Variants in CREBL2 observed in about 807,000 individuals in gnomAD.
CREBL2 encodes cAMP-responsive element-binding protein-like 2.
A neutral mutation model predicts 19.5 loss-of-function variants in CREBL2; 4 were observed. That is an observed-to-expected ratio of 0.20 (90% CI 0.10 to 0.47). The LOEUF (loss-of-function observed/expected upper bound fraction) is 0.47, where lower values mean the gene tolerates loss of function less well. Ranked by LOEUF, CREBL2 falls within the 20% of genes least tolerant of loss-of-function variation. CREBL2 has a pLI of 0.98. For missense variants in CREBL2, 85 were observed against 145.1 expected, an observed-to-expected ratio of 0.59 and a Z score of 2.13; for synonymous variants, 42 against 46.6, an observed-to-expected ratio of 0.90 and a Z score of 0.40.
rs66943066 is a variant in CREBL2 at position 12,617,643 on chromosome 12, C to CTTTTTTTTTTT, written c.15+5484_15+5494dup. Reference sequence around the variant, plus strand: ...CCCTGAGATGCTCATTTTAGTAATTCTTTTTTTTTTTTTTTTTTTTTTTTT... The same window carrying CTTTTTTTTTTT: ...CCCTGAGATGCTCATTTTAGTAATTCTTTTTTTTTTTTTTTTTTTTTTTTTTTTTTTTTTTT... On this transcript the variant is annotated intron_variant, in intron 1 of 3. Transcript: ENST00000228865. Among the ~76,000 whole-genome samples the CTTTTTTTTTTT allele has an allele frequency of 5.4e-4, 21 of 38,768 alleles. 1 individual carries two copies. The highest frequency in any genetic ancestry group is 2.6e-3 in the South Asian group (2 of 764). The allele number at this position is 38,768 out of a possible 152,430, so 25.4% of individuals were successfully genotyped here. A position where few individuals can be genotyped will look rare whatever the true frequency, so the allele number is the denominator to read the frequency against.
intron 1 of CREBL2, among the ~76,000 whole-genome samples, chr12:12,615,023 A>T (rs1054628144): frequency 3.3e-5 from 5 of 151,938 alleles, no homozygotes; most frequent in Admixed American, 3.3e-4. Flanking sequence ...ATGTCCGGCT[A>T]ATTTTTTTTT....
At position 12,637,254 on chromosome 12, in the gene CREBL2, T is replaced by C. The variant is rs1945481680; in HGVS notation, c.214-316T>C. 2.0e-5 allele frequency among the ~76,000 whole-genome samples: 3 copies of C among 151,956 alleles called. No individual in the cohort carries two copies. The South Asian group carries it at 6.2e-4, about 31-fold the overall frequency. On this transcript the variant is annotated intron_variant, in intron 2 of 3. Coordinates refer to ENST00000228865, the MANE Select transcript of CREBL2 (RefSeq NM_001310.4). The stretch of plus-strand genomic sequence containing the variant: ...TTATTAAAAAAAAAAAGATTAATTC[T>C]AACTAGTGGCACACTGTGGGGAGAT...
chr12:12,641,253 A>ATTATTATTATTATT (rs1478394376), intron 3 of CREBL2, among the ~76,000 whole-genome samples: 1 of 78,262 alleles, frequency 1.3e-5, no homozygotes, highest in African/African-American at 4.8e-5. Flanking sequence ...TATTATTATT[A>ATTATTATTATTATT]TTTTTTTTTA....
intron 1 of CREBL2, among the ~76,000 whole-genome samples, chr12:12,633,078 A>AGGTG (rs1006133266): frequency 6.6e-6 from 1 of 151,340 alleles, no homozygotes; most frequent in African/African-American, 2.4e-5. Flanking sequence ...CTGGGATTAC[A>AGGTG]GGTGCCCACC....
rs1165947342 is a variant in CREBL2, at chr12:12,642,008, A to G, written c.*10A>G. Reference sequence around the variant, plus strand: ...TTATTTTTCAGGGTGAAGATTATATAAAGATGAGTCAGTGATTGAAGCCAA... The same window carrying G: ...TTATTTTTCAGGGTGAAGATTATATGAAGATGAGTCAGTGATTGAAGCCAA... On this transcript the variant is annotated 3_prime_UTR_variant, in exon 4 of 4. Coordinates refer to ENST00000228865, the MANE Select transcript of CREBL2 (RefSeq NM_001310.4). 6.4e-7 allele frequency: 1 copy of G among 1,559,190 alleles called. No homozygotes were observed. The highest frequency in any genetic ancestry group is 2.3e-5 in the East Asian group (1 of 44,130).
intron 1 of CREBL2, among the ~76,000 whole-genome samples, chr12:12,625,229 G>A (rs185317826): frequency 3.9e-5 from 6 of 152,258 alleles, no homozygotes; most frequent in East Asian, 1.9e-4. Context: ...TTTTGTCGGG[G>A]ACCCACCCTT....
chr12:12,629,406 A>T (rs1405546828), intron 1 of CREBL2, among the ~76,000 whole-genome samples: 1 of 151,752 alleles, frequency 6.6e-6, no homozygotes, highest in Non-Finnish European at 1.5e-5. Flanking sequence ...TCTTAATTTC[A>T]TTTTCAGATT....
intron 1 of CREBL2, among the ~76,000 whole-genome samples, chr12:12,626,882 AG>A (rs200933024): frequency 0.011 from 1,581 of 145,674 alleles, 24 homozygotes; most frequent in African/African-American, 0.021. Flanking sequence ...AAAAAAAAAA[AG>A]AAAAGAAAAG....
rs1945271735 is a variant in CREBL2 at position 12,612,131 on chromosome 12, CTCCGGGAGGGA to C, written c.-41_-31del. 3 of 1,608,180 alleles carry C rather than the reference CTCCGGGAGGGA, an allele frequency of 1.9e-6. No homozygotes were observed. The highest frequency in any genetic ancestry group is 2.5e-6 in the Non-Finnish European group (3 of 1,179,000). The stretch of plus-strand genomic sequence containing the variant: ...CCAGGCCGGCTGAGCCGGGGGAGGG[CTCCGGGAGGGA>C]GTGCCTGGCCAGGCCGGCCTGTCTG... On this transcript the variant is annotated 5_prime_UTR_variant, in exon 1 of 4. Transcript: ENST00000228865.
intron 2 of CREBL2, among the ~76,000 whole-genome samples, chr12:12,636,512 C>T (rs1945476849): frequency 1.3e-5 from 2 of 152,142 alleles, no homozygotes; most frequent in African/African-American, 4.8e-5. Context: ...CTCTACCTCC[C>T]AGGTTCACGC....
chr12:12,624,008 C>G (rs1220090040), intron 1 of CREBL2, among the ~76,000 whole-genome samples: 1 of 152,196 alleles, frequency 6.6e-6, no homozygotes, highest in Non-Finnish European at 1.5e-5. Context: ...TCCCCATGAC[C>G]TCCAGAGGGA....
chr12:12,627,251 A>G (rs1945408591), intron 1 of CREBL2, among the ~76,000 whole-genome samples: 1 of 152,222 alleles, frequency 6.6e-6, no homozygotes, highest in Non-Finnish European at 1.5e-5. Flanking sequence ...GATGTTAATA[A>G]TAAGGGAAAC....
rs550621849 is a variant in CREBL2 at position 12,622,854 on chromosome 12, T to C, written c.15+10667T>C. Among the ~76,000 whole-genome samples, 29 of 152,356 alleles carry C rather than the reference T, an allele frequency of 1.9e-4. No individual in the cohort carries two copies. In the South Asian group the frequency reaches 2.5e-3, roughly 13 times the overall value. On this transcript the variant is annotated intron_variant, in intron 1 of 3. Transcript: ENST00000228865. Reference sequence around the variant, plus strand: ...TTCTTTAATCCGTGGGAGATAACTTTTCTCTTTATGTTTTTAAGAGAAAGA... The same window carrying C: ...TTCTTTAATCCGTGGGAGATAACTTCTCTCTTTATGTTTTTAAGAGAAAGA...
intron 1 of CREBL2, among the ~76,000 whole-genome samples, chr12:12,621,359 A>C (rs1945358176): frequency 6.6e-6 from 1 of 152,074 alleles, no homozygotes; most frequent in Admixed American, 6.6e-5. Context: ...TCTCTACTAA[A>C]AATACAAAAT....
intron 2 of CREBL2, among the ~76,000 whole-genome samples, chr12:12,636,945 A>G (rs1945479758): frequency 6.6e-6 from 1 of 152,222 alleles, no homozygotes; most frequent in Non-Finnish European, 1.5e-5. Context: ...TTGGAACATG[A>G]AGAGGAGGGA....
At chr12:12,618,885 A>G (rs1945337527) in intron 1 of CREBL2, among the ~76,000 whole-genome samples, 1 of 152,202 alleles carries the variant, frequency 6.6e-6, no homozygotes, top group South Asian at 2.1e-4. Flanking sequence ...CAAAAAATAC[A>G]AAAACCAGTC....
chr12:12,641,891 G>A (rs2136308645), intron 3 of CREBL2, 103 bp from the exon 4 acceptor site: 1 of 574,892 alleles, frequency 1.7e-6, no homozygotes, highest in East Asian at 3.3e-5. Flanking sequence ...TAGCCTTACT[G>A]AAGATACTAA....
chr12:12,630,120 A>AGTT (rs1261736823), intron 1 of CREBL2, among the ~76,000 whole-genome samples: 1 of 152,120 alleles, frequency 6.6e-6, no homozygotes, highest in Non-Finnish European at 1.5e-5. Context: ...TCGTGGAGTA[A>AGTT]GTTGAAATAA....
intron 1 of CREBL2, among the ~76,000 whole-genome samples, chr12:12,624,638 G>A (rs1409932551): frequency 2.0e-5 from 3 of 152,222 alleles, no homozygotes; most frequent in African/African-American, 4.8e-5. Flanking sequence ...AGGTAGGGGT[G>A]CCTGAGACTT....
Sources: allele counts gnomAD v4.1 joint callset (sites outside exome capture counted in the v4.1 genomes callset), GRCh38; gene constraint gnomAD v4.1.1; transcripts MANE v1.5; gene names NCBI Gene and HGNC (gene_info 2026-07-23, HGNC 2026-07-21).